Variants in MIS18A observed in about 807,000 individuals in gnomAD.
MIS18A encodes the protein MIS18 kinetochore protein A.
MIS18A carries 14 observed loss-of-function variants against 25.0 expected under a neutral mutation model. The ratio of observed to expected loss-of-function variants is 0.56; its 90% CI spans 0.37 to 0.88. The LOEUF (loss-of-function observed/expected upper bound fraction) is 0.88. Ranked by LOEUF, MIS18A falls within the 40% of genes least tolerant of loss-of-function variation. The pLI, the probability that MIS18A is intolerant of heterozygous loss-of-function variation, is 0.00. For missense variants in MIS18A, 292 were observed against 290.8 expected (o/e 1.00, Z -0.03); for synonymous variants, 134 against 118.6 (o/e 1.13, Z -0.84).
the MIS18A span, among the ~76,000 whole-genome samples, chr21:32,245,454 C>T: frequency 6.6e-6 from 1 of 152,038 alleles, no homozygotes; most frequent in South Asian, 2.1e-4. Flanking sequence ...AACAGAGGGA[C>T]GAAGAGTCAA....
chr21:32,236,141 G>A, the MIS18A span, among the ~76,000 whole-genome samples: 212 of 152,112 alleles, frequency 1.4e-3, 2 homozygotes, highest in African/African-American at 4.8e-3. Flanking sequence ...TTGGGAGTCC[G>A]AGGTGGGTGG....
chr21:32,186,134 G>A, the MIS18A span, among the ~76,000 whole-genome samples: 15 of 152,256 alleles, frequency 9.9e-5, 1 homozygote, highest in East Asian at 1.2e-3. Flanking sequence ...ATGGCATCAC[G>A]GCAACATTGG....
chr21:32,251,735 G>A, the MIS18A span, among the ~76,000 whole-genome samples: 1 of 152,216 alleles, frequency 6.6e-6, no homozygotes, highest in East Asian at 1.9e-4. Flanking sequence ...CAAAAAGTTA[G>A]ATATTTACTC....
the MIS18A span, among the ~76,000 whole-genome samples, chr21:32,212,191 TG>T: frequency 6.6e-6 from 1 of 152,286 alleles, no homozygotes; most frequent in East Asian, 1.9e-4. Flanking sequence ...TTTGAATAAC[TG>T]GGTGGCTTCC....
the MIS18A span, among the ~76,000 whole-genome samples, chr21:32,167,261 A>G: frequency 6.6e-6 from 1 of 152,168 alleles, no homozygotes; most frequent in East Asian, 1.9e-4. Context: ...CCAGCCTTCA[A>G]TTGAAAATTA....
chr21:32,168,742 T>G, the MIS18A span, among the ~76,000 whole-genome samples: 1 of 152,138 alleles, frequency 6.6e-6, no homozygotes, highest in Non-Finnish European at 1.5e-5. Context: ...AAAATATGCA[T>G]GTAACTAATA....
the MIS18A span, among the ~76,000 whole-genome samples, chr21:32,263,066 C>T: frequency 6.6e-6 from 1 of 152,176 alleles, no homozygotes; most frequent in Non-Finnish European, 1.5e-5. Flanking sequence ...GATCAATACC[C>T]AAAATATGTC....
the MIS18A span, among the ~76,000 whole-genome samples, chr21:32,177,554 A>G: frequency 6.6e-6 from 1 of 152,202 alleles, no homozygotes; most frequent in Admixed American, 6.5e-5. Flanking sequence ...AAAACTCTGA[A>G]GAACTTGCAG....
At chr21:32,185,370 T>C in the MIS18A span, among the ~76,000 whole-genome samples, 2 of 152,142 alleles carry the variant, frequency 1.3e-5, no homozygotes, top group Admixed American at 6.5e-5. Context: ...GAGCAGCCCA[T>C]TGGGCTCCTC....
the MIS18A span, among the ~76,000 whole-genome samples, chr21:32,258,692 C>T: frequency 2.0e-5 from 3 of 152,214 alleles, no homozygotes; most frequent in African/African-American, 7.2e-5. Flanking sequence ...TATAAAAGAA[C>T]CATTTTATTC....
the MIS18A span, among the ~76,000 whole-genome samples, chr21:32,237,565 T>C: frequency 6.6e-6 from 1 of 152,168 alleles, no homozygotes; most frequent in Non-Finnish European, 1.5e-5. Flanking sequence ...AAATTACAGA[T>C]AGTTCCTAAT....
At chr21:32,203,371 C>A in the MIS18A span, among the ~76,000 whole-genome samples, 2 of 151,752 alleles carry the variant, frequency 1.3e-5, no homozygotes, top group African/African-American at 4.8e-5. Flanking sequence ...ATGATGAAAT[C>A]TCAGAACCCC....
At chr21:32,244,248 G>A in the MIS18A span, among the ~76,000 whole-genome samples, 276 of 152,204 alleles carry the variant, frequency 1.8e-3, no homozygotes, top group African/African-American at 6.0e-3. Context: ...GATTGCGCGG[G>A]GCCAGGGCTG....
At chr21:32,259,119 C>T in the MIS18A span, among the ~76,000 whole-genome samples, 2 of 152,138 alleles carry the variant, frequency 1.3e-5, no homozygotes, top group African/African-American at 4.8e-5. Context: ...AGCGATCCTC[C>T]TGCCTCGGCC....
At chr21:32,227,920 C>T in the MIS18A span, among the ~76,000 whole-genome samples, 6 of 152,110 alleles carry the variant, frequency 3.9e-5, no homozygotes, top group African/African-American at 1.4e-4. Context: ...TGCAATATGT[C>T]ATATTAATAA....
At chr21:32,175,814 A>AT in the MIS18A span, among the ~76,000 whole-genome samples, 1 of 149,318 alleles carries the variant, frequency 6.7e-6, no homozygotes, top group African/African-American at 2.5e-5. Flanking sequence ...CATCTCAAAA[A>AT]AAACAAAAAC....
intron 2 of MIS18A, 88 bp downstream of exon 2, chr21:32,274,742 A>T: frequency 9.8e-7 from 1 of 1,023,354 alleles, no homozygotes; most frequent in Non-Finnish European, 1.5e-6. Context: ...GTTTTATCCC[A>T]AGTAATCTTA....
At chr21:32,275,587 C>T (rs1362816150) in intron 1 of MIS18A, among the ~76,000 whole-genome samples, 1 of 152,168 alleles carries the variant, frequency 6.6e-6, no homozygotes, top group Non-Finnish European at 1.5e-5. Context: ...AAGAATCCAG[C>T]TCTAGGAAAC....
At chr21:32,253,059 T>C in the MIS18A span, among the ~76,000 whole-genome samples, 2 of 152,146 alleles carry the variant, frequency 1.3e-5, no homozygotes, top group Non-Finnish European at 2.9e-5. Flanking sequence ...GGATGTGCTT[T>C]AGGGGAGCTG....
Sources: gnomAD v4.1 joint callset for allele counts (sites outside exome capture counted in the v4.1 genomes callset) on GRCh38, gnomAD v4.1.1 for gene constraint, MANE v1.5 for transcripts, NCBI Gene and HGNC (gene_info 2026-07-23, HGNC 2026-07-21) for gene names.